Variants in DACH2 observed in about 807,000 individuals in gnomAD.
DACH2 encodes the protein dachshund homolog 2.
DACH2 carries 17 observed loss-of-function variants against 35.8 expected under a neutral mutation model. The ratio of observed to expected loss-of-function variants is 0.48; its 90% confidence interval spans 0.33 to 0.71. DACH2 has a LOEUF of 0.71. Ranked by LOEUF, DACH2 falls within the 30% of genes least tolerant of loss-of-function variation. The pLI is 0.02. For missense variants in DACH2, 469 were observed against 472.7 expected, an observed-to-expected ratio of 0.99 and a Z score of 0.07; for synonymous variants, 195 against 177.3, an observed-to-expected ratio of 1.10 and a Z score of -0.79.
intron 3 of DACH2, among the ~76,000 whole-genome samples, chrX:86,623,878 T>C (rs1602711323): frequency 1.0e-5 from 1 of 97,025 alleles, no homozygotes; most frequent in East Asian, 3.6e-4. Flanking sequence ...TGAAACCCCG[T>C]CTCTACTAAA....
At chrX:86,245,330 C>T (rs1202066081) in intron 1 of DACH2, among the ~76,000 whole-genome samples, 2 of 111,787 alleles carry the variant, frequency 1.8e-5, no homozygotes, top group Non-Finnish European at 1.9e-5. Flanking sequence ...CCTATGCATG[C>T]TTATGGACTC....
intron 4 of DACH2, among the ~76,000 whole-genome samples, chrX:86,673,294 G>A (rs771953456): frequency 1.1e-5 from 1 of 88,734 alleles, no homozygotes; most frequent in South Asian, 5.9e-4. Context: ...CCAAGATCAT[G>A]CCACTGCATT....
At chrX:86,770,497 C>G (rs1004326018) in intron 7 of DACH2, among the ~76,000 whole-genome samples, 1 of 111,412 alleles carries the variant, frequency 9.0e-6, no homozygotes, top group African/African-American at 3.3e-5. Context: ...GCCTTTCCTC[C>G]TTGCCCAACT....
At chrX:86,482,436 T>A (rs989605566) in intron 2 of DACH2, among the ~76,000 whole-genome samples, 2 of 111,794 alleles carry the variant, frequency 1.8e-5, no homozygotes, top group Non-Finnish European at 3.8e-5. Flanking sequence ...AAGTCTATCA[T>A]TGTTGGACAT....
chrX:86,388,348 C>T (rs759077031), intron 2 of DACH2, among the ~76,000 whole-genome samples: 8 of 111,931 alleles, frequency 7.1e-5, no homozygotes, highest in Admixed American at 1.9e-4. Context: ...CAGAGTGAAG[C>T]TTTGATGGGG....
intron 2 of DACH2, among the ~76,000 whole-genome samples, chrX:86,451,716 G>A (rs1003534932): frequency 1.5e-4 from 17 of 111,150 alleles, no homozygotes; most frequent in Non-Finnish European, 3.0e-4. Flanking sequence ...ATTTGTTTGT[G>A]TCATCTCTGA....
chrX:86,305,835 A>G lies in DACH2; in HGVS notation c.489-70989A>G, dbSNP rs73516090. On this transcript the variant is annotated intron_variant, in intron 1 of 11. Coordinates refer to ENST00000373125, the MANE Select transcript of DACH2 (RefSeq NM_053281.3). ...CAAATGACACATAACCAGCAGGTAT[A>G]TGACAAAATTTTCAACATCACTCAA... 6.5e-3 allele frequency among the ~76,000 whole-genome samples: 727 copies of G among 112,018 alleles called. 3 individuals are homozygous for G. Among genetic ancestry groups the G allele is most frequent in the African/African-American group, 0.021 (659 of 30,930 alleles).
intron 1 of DACH2, among the ~76,000 whole-genome samples, chrX:86,202,191 C>T (rs951400889): frequency 7.2e-5 from 8 of 111,129 alleles, no homozygotes; most frequent in African/African-American, 9.8e-5. Flanking sequence ...TTAATAATGG[C>T]GTCTATTCTG....
chrX:86,215,023 C>T (rs2032536966), intron 1 of DACH2, among the ~76,000 whole-genome samples: 1 of 111,570 alleles, frequency 9.0e-6, no homozygotes, highest in African/African-American at 3.2e-5. Flanking sequence ...TTTCCTTTCT[C>T]TCTCCCCTTT....
At chrX:86,602,678 T>A (rs1318713030) in intron 3 of DACH2, among the ~76,000 whole-genome samples, 2 of 111,940 alleles carry the variant, frequency 1.8e-5, no homozygotes, top group African/African-American at 6.5e-5. Flanking sequence ...TTTTGTCATA[T>A]CTTATTGGGT....
At chrX:86,216,019 T>C (rs1030005736) in intron 1 of DACH2, among the ~76,000 whole-genome samples, 1 of 111,753 alleles carries the variant, frequency 8.9e-6, no homozygotes, top group African/African-American at 3.2e-5. Flanking sequence ...TATATATACC[T>C]ATCAAATTCT....
chrX:86,709,671 A>G (rs1777824973), intron 5 of DACH2, among the ~76,000 whole-genome samples: 3 of 112,344 alleles, frequency 2.7e-5, no homozygotes, highest in Non-Finnish European at 5.6e-5. Flanking sequence ...ACCAATAGAT[A>G]TACAAAGAAC....
chrX:86,832,251 G>GTAAA lies in DACH2; in HGVS notation c.*96_*97insTAAA. 2.8e-6 allele frequency: 2 copies of GTAAA among 705,694 alleles called. No individual in the cohort carries two copies. The highest frequency in any genetic ancestry group is 4.3e-6 in the Non-Finnish European group (2 of 462,607). 58.2% of individuals were successfully genotyped at this position (705,694 alleles called of 1,213,427 possible). A position where few individuals can be genotyped will look rare whatever the true frequency, so the allele number is the denominator to read the frequency against. On this transcript the variant is annotated 3_prime_UTR_variant, in exon 12 of 12. Transcript: ENST00000373125. ...GGAGTTATTTCAGTTTTGTTTATCAGCAAAGCTTTGTTTACTGAAGGAGCT... is the reference window on the plus strand; with the variant it reads ...GGAGTTATTTCAGTTTTGTTTATCAGTAAACAAAGCTTTGTTTACTGAAGGAGCT...
intron 1 of DACH2, among the ~76,000 whole-genome samples, chrX:86,269,975 A>C (rs982398450): frequency 9.4e-6 from 1 of 105,905 alleles, no homozygotes; most frequent in Non-Finnish European, 1.9e-5. Flanking sequence ...TCCTCAAAGC[A>C]GGAAACAAAC....
At chrX:86,416,914 C>T (rs144704263) in intron 2 of DACH2, among the ~76,000 whole-genome samples, 342 of 108,796 alleles carry the variant, frequency 3.1e-3, no homozygotes, top group African/African-American at 9.4e-3. Flanking sequence ...GCCAATATGG[C>T]GAAACCCCGT....
In DACH2 at chrX:86,679,616, C is replaced by CTCTGTG. The variant is rs1391639741; in HGVS notation, c.773-15404_773-15403insCTGTGT. Among the ~76,000 whole-genome samples, 96 of 96,285 alleles carry CTCTGTG rather than the reference C, an allele frequency of 1.0e-3. No homozygotes were observed. The Middle Eastern group carries it at 0.021, about 21-fold the overall frequency. 83.6% of individuals were successfully genotyped at this position (96,285 alleles called of 115,157 possible). ...TCTCTCTCTCTCTCTCTCTCTGTCT[C>CTCTGTG]TGTGTGTGTGTGTGTGTGTGTGTGT... On this transcript the variant is annotated intron_variant, in intron 4 of 11. Coordinates refer to ENST00000373125, the MANE Select transcript of DACH2 (RefSeq NM_053281.3).
chrX:86,348,273 T>G (rs963100409), intron 1 of DACH2, among the ~76,000 whole-genome samples: 3 of 111,922 alleles, frequency 2.7e-5, no homozygotes, highest in African/African-American at 9.7e-5. Flanking sequence ...GGTTTATGAG[T>G]GATGTGATGT....
chrX:86,226,758 A>G lies in DACH2; in HGVS notation c.488+77650A>G, dbSNP rs371515903. Among the ~76,000 whole-genome samples, 32 of 111,750 alleles carry G rather than the reference A, an allele frequency of 2.9e-4. No individual in the cohort carries two copies. In the South Asian group the frequency reaches 0.011, roughly 39 times the overall value. On this transcript the variant is annotated intron_variant, in intron 1 of 11. Transcript: ENST00000373125. ...TATTCCAAATTAAGAAGTTGTATAT[A>G]TGGATACCTTGTGCTTCTAATATGT...
intron 1 of DACH2, among the ~76,000 whole-genome samples, chrX:86,228,704 C>T (rs1211114313): frequency 9.0e-6 from 1 of 111,384 alleles, no homozygotes; most frequent in African/African-American, 3.3e-5. Flanking sequence ...TTGCATTTTC[C>T]TGATTATTAG....
Sources: allele counts gnomAD v4.1 joint callset (sites outside exome capture counted in the v4.1 genomes callset), GRCh38; gene constraint gnomAD v4.1.1; transcripts MANE v1.5; gene names NCBI Gene and HGNC (gene_info 2026-07-23, HGNC 2026-07-21).